The following ITGA9 variants were observed in gnomAD, a reference collection of about 807,000 sequenced individuals.
ITGA9 encodes integrin alpha-9.
A neutral mutation model predicts 127.8 loss-of-function variants in ITGA9; 56 were observed. That is an observed-to-expected ratio of 0.44 (90% CI 0.35 to 0.55). The LOEUF (loss-of-function observed/expected upper bound fraction) is 0.55. Ranked by LOEUF, ITGA9 falls within the 20% of genes least tolerant of loss-of-function variation. The pLI, the probability that ITGA9 is intolerant of heterozygous loss-of-function variation, is 0.00. For missense variants in ITGA9, 1,196 were observed against 1,347.1 expected (o/e 0.89, Z 1.76); for synonymous variants, 508 against 514.5 (o/e 0.99, Z 0.17).
intron 15 of ITGA9, among the ~76,000 whole-genome samples, chr3:37,570,338 GAC>G (rs1436546784): frequency 6.6e-6 from 1 of 152,238 alleles, no homozygotes; most frequent in African/African-American, 2.4e-5. Flanking sequence ...GACCCTTTGG[GAC>G]AGGAGTAGGG....
Position 37,629,061 on chromosome 3 carries a change from C to A in ITGA9, c.1690-126C>A. Reference sequence around the variant, plus strand: ...AAAATATGAAAGTCATAAAACCCTACCTCACGAGGGTGATTGTGAGGATTA... The same window carrying A: ...AAAATATGAAAGTCATAAAACCCTAACTCACGAGGGTGATTGTGAGGATTA... On this transcript the variant is annotated intron_variant, in intron 15 of 27. Coordinates refer to ENST00000264741, the MANE Select transcript of ITGA9 (RefSeq NM_002207.3). The surrounding 1 kb of genome is among the most constrained non-coding windows in gnomAD (Gnocchi z 4.5). 9.0e-7 allele frequency: 1 copy of A among 1,113,024 alleles called. No homozygotes were observed. The allele number at this position is 1,113,024 out of a possible 1,614,324, so 68.9% of individuals were successfully genotyped here.
chr3:37,769,605 G>A (rs895490373), intron 23 of ITGA9, among the ~76,000 whole-genome samples: 8 of 152,142 alleles, frequency 5.3e-5, no homozygotes, highest in Non-Finnish European at 8.8e-5. Context: ...TCCAGTGCTT[G>A]ACCTGTGTTG....
intron 23 of ITGA9, among the ~76,000 whole-genome samples, chr3:37,759,246 C>T (rs1033883693): frequency 2.7e-4 from 41 of 151,866 alleles, no homozygotes; most frequent in African/African-American, 9.9e-4. Context: ...AAAGTAACAA[C>T]TACCCCTCAA....
chr3:37,462,842 C>T (rs1011156953), intron 1 of ITGA9, among the ~76,000 whole-genome samples: 1 of 152,218 alleles, frequency 6.6e-6, no homozygotes, highest in Non-Finnish European at 1.5e-5. Context: ...TGTGCCTCAT[C>T]ACTGCCTTGG....
At chr3:37,653,637 C>T in intron 16 of ITGA9, 77 bp from the exon 17 acceptor site, 1 of 1,067,090 alleles carries the variant, frequency 9.4e-7, no homozygotes, top group Non-Finnish European at 1.5e-6. Flanking sequence ...CACTGATTTG[C>T]AAGAAAGGAA....
At chr3:37,453,862 G>C (rs1698228783) in intron 1 of ITGA9, among the ~76,000 whole-genome samples, 1 of 152,200 alleles carries the variant, frequency 6.6e-6, no homozygotes, top group Non-Finnish European at 1.5e-5. Context: ...AAGAGAACCA[G>C]TTTTCAAAGC....
chr3:37,770,071 A>G (rs931425380), intron 23 of ITGA9, among the ~76,000 whole-genome samples: 4 of 152,206 alleles, frequency 2.6e-5, no homozygotes, highest in Non-Finnish European at 5.9e-5. Flanking sequence ...TAAGGAGAGC[A>G]GAAGTTAAAG....
chr3:37,636,966 G>A (rs1202054263), intron 16 of ITGA9, among the ~76,000 whole-genome samples: 2 of 151,984 alleles, frequency 1.3e-5, no homozygotes, highest in Non-Finnish European at 2.9e-5. Context: ...TATTTCTGAG[G>A]GCTCTGTTCT....
At position 37,461,203 on chromosome 3, in the gene ITGA9, C is replaced by A. The variant is rs537107378; in HGVS notation, c.185+8644C>A. 2.6e-5 allele frequency among the ~76,000 whole-genome samples: 4 copies of A among 152,258 alleles called. No individual in the cohort carries two copies. In the East Asian group the frequency reaches 7.7e-4, roughly 29 times the overall value. Reference sequence around the variant, plus strand: ...GAATCCCTGGTTCCACAGCAACAACCAGATCCACGATTTTTGTGCCATAAA... The same window carrying A: ...GAATCCCTGGTTCCACAGCAACAACAAGATCCACGATTTTTGTGCCATAAA... On this transcript the variant is annotated intron_variant, in intron 1 of 27. Coordinates refer to ENST00000264741, the MANE Select transcript of ITGA9 (RefSeq NM_002207.3).
intron 15 of ITGA9, among the ~76,000 whole-genome samples, chr3:37,548,300 G>GA (rs1699347094): frequency 6.6e-6 from 1 of 152,170 alleles, no homozygotes; most frequent in African/African-American, 2.4e-5. Flanking sequence ...GGGTTTGGGG[G>GA]AAGGGCTGAT....
intron 23 of ITGA9, among the ~76,000 whole-genome samples, chr3:37,763,179 A>G (rs1202444435): frequency 6.6e-6 from 1 of 152,242 alleles, no homozygotes; most frequent in Non-Finnish European, 1.5e-5. Flanking sequence ...AGTAAAGCAT[A>G]TAGTTTATTA....
rs111643908 is a variant in ITGA9, at chr3:37,560,851, G to C, written c.1689+18266G>C. 1.8e-3 allele frequency among the ~76,000 whole-genome samples: 272 copies of C among 152,340 alleles called. 2 individuals are homozygous for C. The highest frequency in any genetic ancestry group is 6.3e-3 in the African/African-American group (263 of 41,576). The stretch of plus-strand genomic sequence containing the variant: ...ATGAACAGAAATGTATTTGCCCACA[G>C]TTCTGGAGGTTGGAAGTCCAGGATC... On this transcript the variant is annotated intron_variant, in intron 15 of 27. Coordinates refer to ENST00000264741, the MANE Select transcript of ITGA9 (RefSeq NM_002207.3).
At chr3:37,614,795 T>C (rs1294129627) in intron 15 of ITGA9, among the ~76,000 whole-genome samples, 2 of 152,162 alleles carry the variant, frequency 1.3e-5, no homozygotes, top group African/African-American at 2.4e-5. Context: ...AGAATGCTTG[T>C]GATTTTTGCA....
At position 37,629,434 on chromosome 3, in the gene ITGA9, C is replaced by A. The variant is rs1370156386; in HGVS notation, c.1839+98C>A. 1 of 1,302,628 alleles carries A rather than the reference C, an allele frequency of 7.7e-7. No homozygotes were observed. Among genetic ancestry groups the A allele is most frequent in the East Asian group, 2.5e-5 (1 of 40,680 alleles). The allele number at this position is 1,302,628 out of a possible 1,614,324, so 80.7% of individuals were successfully genotyped here. On this transcript the variant is annotated intron_variant, in intron 16 of 27. Transcript: ENST00000264741. This position sits in a 1 kb window ranked among gnomAD's most constrained non-coding sequence, Gnocchi z 4.5. ...TGAGAGAGCCGTGGGCCTGGCTGCT[C>A]AGGAGACCGCAGCCAGGACACACCT...
chr3:37,716,617 T>C (rs1353447440), intron 18 of ITGA9, among the ~76,000 whole-genome samples: 4 of 148,554 alleles, frequency 2.7e-5, no homozygotes, highest in Admixed American at 6.8e-5. Flanking sequence ...AGAACAAGCA[T>C]ACTAGATCTT....
At chr3:37,637,197 G>A (rs1700287711) in intron 16 of ITGA9, among the ~76,000 whole-genome samples, 1 of 152,054 alleles carries the variant, frequency 6.6e-6, no homozygotes, top group Non-Finnish European at 1.5e-5. Context: ...GATGGGGATG[G>A]CATTGAATCT....
chr3:37,468,004 A>C (rs1044209627), intron 1 of ITGA9, among the ~76,000 whole-genome samples: 1 of 152,104 alleles, frequency 6.6e-6, no homozygotes, highest in Non-Finnish European at 1.5e-5. Context: ...TTTGTACGTC[A>C]TTGTGCATTT....
At chr3:37,813,487 C>T (rs1184373037) in intron 27 of ITGA9, among the ~76,000 whole-genome samples, 1 of 152,186 alleles carries the variant, frequency 6.6e-6, no homozygotes, top group East Asian at 1.9e-4. Context: ...TTTTTCACTT[C>T]CTCATTCCTG....
chr3:37,784,201 C>G (rs931259615), intron 25 of ITGA9, among the ~76,000 whole-genome samples: 7 of 152,200 alleles, frequency 4.6e-5, no homozygotes, highest in African/African-American at 1.7e-4. Context: ...GTACCACTGG[C>G]TTGAGGTTCT....
Sources: allele counts gnomAD v4.1 joint callset (sites outside exome capture counted in the v4.1 genomes callset), GRCh38; gene constraint gnomAD v4.1.1; non-coding constraint Gnocchi (gnomAD v3.1); transcripts MANE v1.5; gene names NCBI Gene and HGNC (gene_info 2026-07-23, HGNC 2026-07-21).